KCNIP1: variants seen among roughly 807,000 people sequenced by gnomAD.
The protein encoded by KCNIP1 is potassium voltage-gated channel interacting protein 1, also known as A-type potassium channel modulatory protein KCNIP1.
A neutral mutation model predicts 33.0 loss-of-function variants in KCNIP1; 18 were observed. The ratio of observed to expected loss-of-function variants is 0.55; its 90% CI spans 0.38 to 0.81. KCNIP1 has a LOEUF of 0.81. Ranked by LOEUF, KCNIP1 falls within the 30% of genes least tolerant of loss-of-function variation. The probability of loss-of-function intolerance (pLI) is 0.00; values close to 1 mark genes in which losing one functional copy is unlikely to be tolerated. For synonymous variants in KCNIP1, 93 were observed against 98.3 expected (o/e 0.95, Z 0.32); for missense variants, 238 against 271.6 (o/e 0.88, Z 0.87).
chr5:170,709,165 T>C (rs965886647), intron 1 of KCNIP1, among the ~76,000 whole-genome samples: 7 of 152,190 alleles, frequency 4.6e-5, no homozygotes, highest in Non-Finnish European at 8.8e-5. Context: ...ATGAGACAAG[T>C]TTCTTAATTA....
intron 1 of KCNIP1, among the ~76,000 whole-genome samples, chr5:170,399,614 G>T (rs1754845948): frequency 1.3e-5 from 2 of 152,298 alleles, no homozygotes; most frequent in East Asian, 1.9e-4. Flanking sequence ...TCTAAAGATT[G>T]ATACAAATCC....
Position 170,385,945 on chromosome 5 carries a change from C to A in KCNIP1, c.88+31981C>A, listed in dbSNP as rs187342355. Among the ~76,000 whole-genome samples the A allele has an allele frequency of 1.8e-3, 266 of 151,746 alleles. 2 individuals carry two copies. The highest frequency in any genetic ancestry group is 6.1e-3 in the African/African-American group (252 of 41,360). ...CCATCCTGGCTAACATGGTGAAACCCCATCTCTACTAAAAAAAAAAAATAC... is the reference window on the plus strand; with the variant it reads ...CCATCCTGGCTAACATGGTGAAACCACATCTCTACTAAAAAAAAAAAATAC... On this transcript the variant is annotated intron_variant, in intron 1 of 7. Coordinates refer to the KCNIP1 transcript ENST00000377360.
At chr5:170,724,963 G>C (rs1763957917) in intron 5 of KCNIP1, among the ~76,000 whole-genome samples, 1 of 152,080 alleles carries the variant, frequency 6.6e-6, no homozygotes. Flanking sequence ...GTTGATATGG[G>C]AATGCAAAAA....
chr5:170,466,808 C>T (rs1460485659), intron 1 of KCNIP1, among the ~76,000 whole-genome samples: 1 of 152,188 alleles, frequency 6.6e-6, no homozygotes, highest in Non-Finnish European at 1.5e-5. Flanking sequence ...ATCACCTCCC[C>T]AAATCCCCAC....
intron 1 of KCNIP1, among the ~76,000 whole-genome samples, chr5:170,394,224 C>T (rs576320974): frequency 2.7e-4 from 41 of 152,338 alleles, no homozygotes; most frequent in African/African-American, 9.6e-4. Context: ...CCACTCTCCG[C>T]GCCTCCTGGG....
chr5:170,493,183 C>T (rs1168600228), intron 1 of KCNIP1, among the ~76,000 whole-genome samples: 2 of 152,144 alleles, frequency 1.3e-5, no homozygotes, highest in Admixed American at 6.5e-5. Flanking sequence ...ATCTGTATCC[C>T]CCACCAAATG....
chr5:170,638,367 T>C (rs1458753530), intron 1 of KCNIP1, among the ~76,000 whole-genome samples: 13 of 152,114 alleles, frequency 8.5e-5, no homozygotes, highest in Non-Finnish European at 1.8e-4. Context: ...GTCCTCTCAG[T>C]CACCTCTGTA....
chr5:170,572,391 C>G (rs531762838), intron 1 of KCNIP1, among the ~76,000 whole-genome samples: 1 of 152,188 alleles, frequency 6.6e-6, no homozygotes, highest in Non-Finnish European at 1.5e-5. Flanking sequence ...CTCCAATACC[C>G]GGAATGCACC....
At chr5:170,494,855 C>A (rs1017973207) in intron 1 of KCNIP1, among the ~76,000 whole-genome samples, 1 of 152,196 alleles carries the variant, frequency 6.6e-6, no homozygotes, top group Non-Finnish European at 1.5e-5. Flanking sequence ...CGGGTTCAAA[C>A]CCAGACTCTA....
intron 1 of KCNIP1, among the ~76,000 whole-genome samples, chr5:170,431,173 C>T (rs1306286446): frequency 2.0e-5 from 3 of 152,196 alleles, no homozygotes; most frequent in Admixed American, 1.3e-4. Context: ...TGAATTGAAG[C>T]GGGCATTAAA....
intron 1 of KCNIP1, among the ~76,000 whole-genome samples, chr5:170,428,027 C>G (rs558836829): frequency 6.6e-6 from 1 of 152,236 alleles, no homozygotes; most frequent in Non-Finnish European, 1.5e-5. Flanking sequence ...GTGGTGAGCT[C>G]CTATTCATAC....
intron 1 of KCNIP1, among the ~76,000 whole-genome samples, chr5:170,565,525 GTTTCTA>G (rs1313046188): frequency 6.6e-6 from 1 of 152,084 alleles, no homozygotes; most frequent in East Asian, 1.9e-4. Flanking sequence ...AACACTCACA[GTTTCTA>G]TTTATTACCC....
At position 170,612,094 on chromosome 5, in the gene KCNIP1, C is replaced by A. The variant is rs1052511188; in HGVS notation, c.62-106664C>A. Reference sequence around the variant, plus strand: ...GTCAGGTTTCCATATGTGCCAGACACATCATGTCCACAAGAGATTCTCTGC... The same window carrying A: ...GTCAGGTTTCCATATGTGCCAGACAAATCATGTCCACAAGAGATTCTCTGC... On this transcript the variant is annotated intron_variant, in intron 1 of 7. Transcript: ENST00000328939. Among the ~76,000 whole-genome samples, 4 of 152,334 alleles carry A rather than the reference C, an allele frequency of 2.6e-5. No homozygotes were observed. In the East Asian group the frequency reaches 7.7e-4, roughly 29 times the overall value.
intron 1 of KCNIP1, among the ~76,000 whole-genome samples, chr5:170,416,620 T>A (rs981330933): frequency 6.9e-6 from 1 of 145,584 alleles, no homozygotes; most frequent in African/African-American, 2.6e-5. Context: ...GGCCACTCAG[T>A]ATCTCCGGTG....
intron 1 of KCNIP1, among the ~76,000 whole-genome samples, chr5:170,680,164 G>A (rs1331745373): frequency 6.6e-6 from 1 of 152,166 alleles, no homozygotes; most frequent in Non-Finnish European, 1.5e-5. Flanking sequence ...TTAAGAAGAG[G>A]AAACTGGGCC....
At chr5:170,711,822 G>A (rs1255871858) in intron 1 of KCNIP1, among the ~76,000 whole-genome samples, 3 of 152,102 alleles carry the variant, frequency 2.0e-5, no homozygotes, top group African/African-American at 7.3e-5. Flanking sequence ...GTGGAATACA[G>A]GTCAGGAAAT....
At position 170,550,633 on chromosome 5, in the gene KCNIP1, G is replaced by C. The variant is rs545068391; in HGVS notation, c.61+46000G>C. Among the ~76,000 whole-genome samples, 24 of 151,230 alleles carry C rather than the reference G, an allele frequency of 1.6e-4. No individual in the cohort carries two copies. In the South Asian group the frequency reaches 4.0e-3, roughly 25 times the overall value. On this transcript the variant is annotated intron_variant, in intron 1 of 7. Coordinates refer to ENST00000328939, the MANE Select transcript of KCNIP1 (RefSeq NM_014592.4). Reference sequence around the variant, plus strand: ...GATGACAATGATGGTGATGATGATGGTGATGACAATGATGGTAACAGTGAT... The same window carrying C: ...GATGACAATGATGGTGATGATGATGCTGATGACAATGATGGTAACAGTGAT...
At chr5:170,710,040 A>G (rs932076260) in intron 1 of KCNIP1, among the ~76,000 whole-genome samples, 10 of 151,894 alleles carry the variant, frequency 6.6e-5, no homozygotes, top group African/African-American at 2.4e-4. Flanking sequence ...GCTAATTTTC[A>G]TATTTTTAGT....
At chr5:170,436,943 G>C (rs1009183738) in intron 1 of KCNIP1, among the ~76,000 whole-genome samples, 4 of 152,190 alleles carry the variant, frequency 2.6e-5, no homozygotes, top group African/African-American at 7.2e-5. Context: ...ACAAAAGACA[G>C]ACTCACAAGA....
Sources: gnomAD v4.1 joint callset for allele counts (sites outside exome capture counted in the v4.1 genomes callset) on GRCh38, gnomAD v4.1.1 for gene constraint, MANE v1.5 for transcripts, NCBI Gene and HGNC (gene_info 2026-07-23, HGNC 2026-07-21) for gene names.